NDST4: variants seen among roughly 807,000 people sequenced by gnomAD.
The protein encoded by NDST4 is N-deacetylase and N-sulfotransferase 4, also known as N-heparan sulfate sulfotransferase 4.
NDST4 carries 63 observed loss-of-function variants against 100.8 expected under a neutral mutation model. The ratio of observed to expected loss-of-function variants is 0.62; its 90% CI spans 0.51 to 0.77. NDST4 has a LOEUF of 0.77. Ranked by LOEUF, NDST4 falls within the 30% of genes least tolerant of loss-of-function variation. The probability of loss-of-function intolerance (pLI) is 0.00; values close to 1 mark genes in which losing one functional copy is unlikely to be tolerated. For synonymous variants in NDST4, 377 were observed against 361.8 expected (o/e 1.04, Z -0.48); for missense variants, 943 against 1,018.4 (o/e 0.93, Z 1.01).
intron 2 of NDST4, among the ~76,000 whole-genome samples, chr4:115,019,988 A>C (rs909134319): frequency 8.5e-5 from 13 of 152,126 alleles, no homozygotes; most frequent in Non-Finnish European, 8.8e-5. Context: ...TCAGACTAAA[A>C]AAAATTGATA....
chr4:114,997,671 A>G (rs1727193867), intron 2 of NDST4, among the ~76,000 whole-genome samples: 1 of 152,102 alleles, frequency 6.6e-6, no homozygotes, highest in Non-Finnish European at 1.5e-5. Context: ...ACTTTTATTT[A>G]TCTTCATGTT....
chr4:114,935,399 A>C, intron 5 of NDST4, 65 bp from the exon 6 acceptor site: 124 of 1,392,306 alleles, frequency 8.9e-5, no homozygotes, highest in Non-Finnish European at 1.1e-4. Context: ...CCTGTGTCTC[A>C]TAACTTTAGA....
intron 11 of NDST4, among the ~76,000 whole-genome samples, chr4:114,838,930 A>G (rs1380290779): frequency 1.3e-5 from 2 of 151,900 alleles, no homozygotes; most frequent in Non-Finnish European, 2.9e-5. Flanking sequence ...AGCCTAGTGC[A>G]TGACCTTCTT....
chr4:114,928,291 C>T (rs1479536322), intron 6 of NDST4, among the ~76,000 whole-genome samples: 1 of 152,166 alleles, frequency 6.6e-6, no homozygotes, highest in Admixed American at 6.5e-5. Context: ...CAGGCTCCCT[C>T]CTTGCCAGGC....
chr4:115,064,572 T>C (rs1314613850), intron 2 of NDST4, among the ~76,000 whole-genome samples: 1 of 152,026 alleles, frequency 6.6e-6, no homozygotes, highest in Non-Finnish European at 1.5e-5. Flanking sequence ...ATTTCCTTGT[T>C]TCATAAACAC....
chr4:114,947,368 G>A (rs1174256696), intron 4 of NDST4, among the ~76,000 whole-genome samples: 4 of 152,144 alleles, frequency 2.6e-5, no homozygotes, highest in African/African-American at 9.7e-5. Flanking sequence ...GAAAGCAAGC[G>A]CCCAAGAAGA....
At chr4:114,930,638 CT>C (rs1325298590) in intron 6 of NDST4, among the ~76,000 whole-genome samples, 1 of 152,054 alleles carries the variant, frequency 6.6e-6, no homozygotes, top group African/African-American at 2.4e-5. Flanking sequence ...GTATCTTTTT[CT>C]TAAGTATAAG....
intron 4 of NDST4, among the ~76,000 whole-genome samples, chr4:114,939,839 A>T (rs1725710708): frequency 6.6e-6 from 1 of 152,218 alleles, no homozygotes; most frequent in African/African-American, 2.4e-5. Context: ...AAAATAGTAT[A>T]TCACACTATA....
chr4:114,840,591 A>AG (rs2126183752), intron 10 of NDST4, among the ~76,000 whole-genome samples: 1 of 152,322 alleles, frequency 6.6e-6, no homozygotes, highest in South Asian at 2.1e-4. Flanking sequence ...AAGGAGAAAG[A>AG]TTGTGATAAT....
chr4:115,044,457 C>T (rs1246111005), intron 2 of NDST4, among the ~76,000 whole-genome samples: 1 of 151,764 alleles, frequency 6.6e-6, no homozygotes, highest in Non-Finnish European at 1.5e-5. Flanking sequence ...TGAGGGAAAA[C>T]AAAAGATTCT....
At chr4:114,986,788 T>TTATATATA (rs1236404282) in intron 2 of NDST4, among the ~76,000 whole-genome samples, 42 of 65,970 alleles carry the variant, frequency 6.4e-4, no homozygotes, top group African/African-American at 2.9e-3. Flanking sequence ...TGGTATCCAA[T>TTATATATA]TATACATATA....
chr4:115,108,146 G>A (rs765047632), intron 1 of NDST4, among the ~76,000 whole-genome samples: 4 of 152,166 alleles, frequency 2.6e-5, no homozygotes, highest in Non-Finnish European at 5.9e-5. Flanking sequence ...TTGCACTTTA[G>A]AGTAATGAAT....
At chr4:115,042,172 G>A (rs953191509) in intron 2 of NDST4, among the ~76,000 whole-genome samples, 1 of 152,092 alleles carries the variant, frequency 6.6e-6, no homozygotes, top group Non-Finnish European at 1.5e-5. Context: ...TCATTCTGAT[G>A]AGTGTGATGA....
Position 114,986,795 on chromosome 4 carries a change from T to TACATAC in NDST4, c.979-9522_979-9521insGTATGT, listed in dbSNP as rs1220923808. Among the ~76,000 whole-genome samples the TACATAC allele has an allele frequency of 1.2e-3, 19 of 16,332 alleles. 1 individual carries two copies. Among genetic ancestry groups the TACATAC allele is most frequent in the African/African-American group, 2.7e-3 (18 of 6,776 alleles). 10.7% of individuals were successfully genotyped at this position (16,332 alleles called of 152,430 possible). A position where few individuals can be genotyped will look rare whatever the true frequency, so the allele number is the denominator to read the frequency against. On this transcript the variant is annotated intron_variant, in intron 2 of 13. Coordinates refer to ENST00000264363, the MANE Select transcript of NDST4 (RefSeq NM_022569.3). ...TCTAAGCCTGGTATCCAATTATACA[T>TACATAC]ATATATATATATATATATATATATA...
At chr4:115,103,543 C>A (rs905114264) in intron 1 of NDST4, among the ~76,000 whole-genome samples, 4 of 152,046 alleles carry the variant, frequency 2.6e-5, no homozygotes, top group East Asian at 1.9e-4. Context: ...ATTTAATAAA[C>A]CCTGTAGTTA....
rs190227981 is a variant in NDST4 at position 114,887,758 on chromosome 4, C to G, written c.1537-16808G>C. ...TAAAATAGAGTTTGCTTTCCCCATG[C>G]AACTTAACTTTTTCACCCTTTAGAC... On this transcript the variant is annotated intron_variant, in intron 6 of 13. Coordinates refer to ENST00000264363, the MANE Select transcript of NDST4 (RefSeq NM_022569.3). Among the ~76,000 whole-genome samples, 100 of 152,200 alleles carry G rather than the reference C, an allele frequency of 6.6e-4. 1 individual carries two copies. The highest frequency in any genetic ancestry group is 2.3e-3 in the African/African-American group (97 of 41,526).
intron 2 of NDST4, among the ~76,000 whole-genome samples, chr4:115,046,500 G>T (rs1728466309): frequency 6.6e-6 from 1 of 152,106 alleles, no homozygotes; most frequent in Non-Finnish European, 1.5e-5. Flanking sequence ...GTGAGAAACT[G>T]TTTGGAGTAC....
At chr4:114,890,533 A>G (rs916192611) in intron 6 of NDST4, among the ~76,000 whole-genome samples, 4 of 152,050 alleles carry the variant, frequency 2.6e-5, no homozygotes, top group African/African-American at 9.7e-5. Flanking sequence ...GATTGACTAT[A>G]CTGCATAAGC....
At chr4:115,109,100 G>A (rs1176067886) in intron 1 of NDST4, among the ~76,000 whole-genome samples, 1 of 150,414 alleles carries the variant, frequency 6.6e-6, no homozygotes, top group African/African-American at 2.4e-5. Context: ...GAAGAGAAGA[G>A]AGAAAAGAAT....
Sources: allele counts gnomAD v4.1 joint callset (sites outside exome capture counted in the v4.1 genomes callset), GRCh38; gene constraint gnomAD v4.1.1; transcripts MANE v1.5; gene names NCBI Gene and HGNC (gene_info 2026-07-23, HGNC 2026-07-21).